The following DLGAP2 variants were observed in gnomAD, a reference collection of about 807,000 sequenced individuals.
DLGAP2 encodes disks large-associated protein 2.
DLGAP2 carries 26 observed loss-of-function variants against 100.3 expected under a neutral mutation model. The ratio of observed to expected loss-of-function variants is 0.26; its 90% CI spans 0.19 to 0.36. The LOEUF (loss-of-function observed/expected upper bound fraction) is 0.36. Ranked by LOEUF, DLGAP2 falls within the 10% of genes least tolerant of loss-of-function variation. The pLI is 1.00. For synonymous variants in DLGAP2, 886 were observed against 630.1 expected (o/e 1.41, Z -6.08); for missense variants, 1,858 against 1,453.2 (o/e 1.28, Z -4.53).
In DLGAP2 at chr8:1,617,667, G is replaced by A. The variant is rs147959555; in HGVS notation, c.1443-9073G>A. Among the ~76,000 whole-genome samples the A allele has an allele frequency of 2.0e-3, 311 of 152,240 alleles. 1 individual carries two copies. The highest frequency in any genetic ancestry group is 7.1e-3 in the African/African-American group (294 of 41,540). ...TTTTCTCCCATTTTGTACGTTTTCT[G>A]TTTACTCTGTCGATAGTTTCTTTTG... On this transcript the variant is annotated intron_variant, in intron 6 of 14. Coordinates refer to ENST00000637795, the MANE Select transcript of DLGAP2 (RefSeq NM_001346810.2).
chr8:976,843 G>T (rs1206427365), intron 2 of DLGAP2, among the ~76,000 whole-genome samples: 2 of 152,134 alleles, frequency 1.3e-5, no homozygotes, highest in Non-Finnish European at 2.9e-5. Context: ...ACTTATAGAA[G>T]ATAGCATAAA....
chr8:1,342,033 C>T (rs1430505932), intron 3 of DLGAP2, among the ~76,000 whole-genome samples: 1 of 152,120 alleles, frequency 6.6e-6, no homozygotes, highest in Non-Finnish European at 1.5e-5. Flanking sequence ...TCACTGCAGC[C>T]TCGACCTTCT....
intron 2 of DLGAP2, among the ~76,000 whole-genome samples, chr8:988,348 C>G (rs568964172): frequency 6.6e-6 from 1 of 152,310 alleles, no homozygotes; most frequent in Admixed American, 6.5e-5. Context: ...CTGTAAGTCT[C>G]TTGGCAAAGT....
At chr8:1,470,745 CTCCTTCCCCGA>C (rs1798758791) in intron 3 of DLGAP2, among the ~76,000 whole-genome samples, 10 of 502 alleles carry the variant, frequency 0.02, 4 homozygotes, top group Admixed American at 0.062. Context: ...CCTTCCCCGA[CTCCTTCCCCGA>C]CTCCTCCAGC....
intron 8 of DLGAP2, among the ~76,000 whole-genome samples, chr8:1,658,764 A>G (rs984014194): frequency 6.6e-6 from 1 of 152,052 alleles, no homozygotes; most frequent in Admixed American, 6.6e-5. Context: ...CTACCGGTCC[A>G]TGTATTTTGT....
intron 1 of DLGAP2, among the ~76,000 whole-genome samples, chr8:786,084 G>A (rs1196375123): frequency 6.6e-6 from 1 of 152,200 alleles, no homozygotes; most frequent in Non-Finnish European, 1.5e-5. Flanking sequence ...CTCCGTAACC[G>A]GGACCAAAGC....
chr8:1,412,218 C>G (rs554284741), intron 3 of DLGAP2, among the ~76,000 whole-genome samples: 2 of 152,298 alleles, frequency 1.3e-5, no homozygotes, highest in Non-Finnish European at 2.9e-5. Context: ...GACTTTTATG[C>G]TGAAGGCGAG....
At position 1,446,573 on chromosome 8, in the gene DLGAP2, G is replaced by A. The variant is rs1158408621; in HGVS notation, c.107-54793G>A. ...TGGCTTAGGATTGACTTGGCGATGC[G>A]GGCTCTTTTTTGGTTCCATATGAAC... On this transcript the variant is annotated intron_variant, in intron 3 of 14. Coordinates refer to ENST00000637795, the MANE Select transcript of DLGAP2 (RefSeq NM_001346810.2). 3.3e-5 allele frequency among the ~76,000 whole-genome samples: 5 copies of A among 152,070 alleles called. No individual in the cohort carries two copies. In the South Asian group the frequency reaches 6.2e-4, roughly 19 times the overall value.
At chr8:1,693,480 T>C (rs1399245805) in intron 13 of DLGAP2, among the ~76,000 whole-genome samples, 1 of 152,182 alleles carries the variant, frequency 6.6e-6, no homozygotes, top group Non-Finnish European at 1.5e-5. Context: ...TTATAATACA[T>C]ACATCGATTT....
rs531200985 is a variant in DLGAP2 at position 1,331,873 on chromosome 8, A to G, written c.106+72990A>G. 5.9e-4 allele frequency among the ~76,000 whole-genome samples: 90 copies of G among 152,218 alleles called. 1 individual carries two copies. The highest frequency in any genetic ancestry group is 5.0e-3 in the East Asian group (26 of 5,160). On this transcript the variant is annotated intron_variant, in intron 3 of 14. Transcript: ENST00000637795. ...GTGGATCCCTCCTCTCAGGCCTGCAACCTTCCCAGTAGAGCAACACTGGGG... is the reference window on the plus strand; with the variant it reads ...GTGGATCCCTCCTCTCAGGCCTGCAGCCTTCCCAGTAGAGCAACACTGGGG...
At chr8:1,459,896 G>A (rs1021316213) in intron 3 of DLGAP2, among the ~76,000 whole-genome samples, 1 of 152,078 alleles carries the variant, frequency 6.6e-6, no homozygotes, top group Non-Finnish European at 1.5e-5. Context: ...ATGTTGGTCA[G>A]GCTGGTCTCA....
intron 3 of DLGAP2, among the ~76,000 whole-genome samples, chr8:1,379,368 C>T (rs932961764): frequency 9.8e-5 from 15 of 152,372 alleles, no homozygotes; most frequent in Middle Eastern, 3.4e-3. Flanking sequence ...CCGCCCCACA[C>T]GGCACGTACG....
chr8:882,401 C>T (rs1472133889), intron 1 of DLGAP2, among the ~76,000 whole-genome samples: 1 of 147,456 alleles, frequency 6.8e-6, no homozygotes, highest in Non-Finnish European at 1.5e-5. Context: ...CCTCTCCCTG[C>T]GGAGGCCTCT....
intron 2 of DLGAP2, among the ~76,000 whole-genome samples, chr8:1,187,922 C>T (rs1328664526): frequency 4.0e-5 from 5 of 124,412 alleles, no homozygotes; most frequent in Non-Finnish European, 7.7e-5. Flanking sequence ...ATTTGCCTCA[C>T]GGAATCTTGC....
intron 2 of DLGAP2, among the ~76,000 whole-genome samples, chr8:953,382 C>T (rs1281292704): frequency 2.6e-5 from 4 of 152,026 alleles, no homozygotes; most frequent in East Asian, 1.9e-4. Flanking sequence ...TTAGCAGAGA[C>T]GGGATTTCGC....
chr8:1,328,089 G>C (rs1036408147), intron 3 of DLGAP2, among the ~76,000 whole-genome samples: 2 of 151,948 alleles, frequency 1.3e-5, no homozygotes, highest in Admixed American at 6.5e-5. Flanking sequence ...TCCCAGGCTG[G>C]AGTGCAGTGG....
intron 3 of DLGAP2, among the ~76,000 whole-genome samples, chr8:1,463,225 G>A (rs1584928265): frequency 6.6e-6 from 1 of 152,178 alleles, no homozygotes; most frequent in Non-Finnish European, 1.5e-5. Flanking sequence ...CTCCAGCCTG[G>A]GTGACAGGGC....
intron 3 of DLGAP2, among the ~76,000 whole-genome samples, chr8:1,266,046 GA>G (rs752372738): frequency 2.0e-5 from 3 of 152,270 alleles, no homozygotes; most frequent in African/African-American, 7.2e-5. Flanking sequence ...ACCAACAAAT[GA>G]AAAATTATGA....
intron 3 of DLGAP2, among the ~76,000 whole-genome samples, chr8:1,453,068 A>T (rs746377562): frequency 5.3e-5 from 8 of 152,098 alleles, no homozygotes; most frequent in Non-Finnish European, 8.8e-5. Context: ...GTGCAAATGG[A>T]CACAAATGAC....
Sources: allele counts gnomAD v4.1 joint callset (sites outside exome capture counted in the v4.1 genomes callset), GRCh38; gene constraint gnomAD v4.1.1; transcripts MANE v1.5; gene names NCBI Gene and HGNC (gene_info 2026-07-23, HGNC 2026-07-21).